MCTP1: variants seen among roughly 807,000 people sequenced by gnomAD.
The protein encoded by MCTP1 is multiple C2 and transmembrane domain-containing protein 1.
A neutral mutation model predicts 120.6 loss-of-function variants in MCTP1; 69 were observed. The ratio of observed to expected loss-of-function variants is 0.57; its 90% confidence interval spans 0.47 to 0.70. The LOEUF (loss-of-function observed/expected upper bound fraction) is 0.70, where lower values mean the gene tolerates loss of function less well. Ranked by LOEUF, MCTP1 falls within the 30% of genes least tolerant of loss-of-function variation. MCTP1 has a pLI of 0.00. For synonymous variants in MCTP1, 529 were observed against 493.1 expected, an observed-to-expected ratio of 1.07 and a Z score of -0.96; for missense variants, 1,203 against 1,248.8, an observed-to-expected ratio of 0.96 and a Z score of 0.55.
At chr5:95,125,185 C>T (rs1427619759) in intron 1 of MCTP1, among the ~76,000 whole-genome samples, 2 of 152,228 alleles carry the variant, frequency 1.3e-5, no homozygotes, top group Non-Finnish European at 2.9e-5. Flanking sequence ...CAACTCTTGA[C>T]TGCTGTATCT....
intron 1 of MCTP1, among the ~76,000 whole-genome samples, chr5:95,262,892 G>T (rs1420790259): frequency 6.6e-6 from 1 of 152,048 alleles, no homozygotes; most frequent in African/African-American, 2.4e-5. Flanking sequence ...TCAATCAGTA[G>T]ACAAATCATA....
intron 17 of MCTP1, among the ~76,000 whole-genome samples, chr5:94,849,517 C>T (rs951548847): frequency 1.1e-4 from 17 of 152,132 alleles, no homozygotes; most frequent in African/African-American, 4.1e-4. Context: ...CCTCTGTAGC[C>T]TGCCTCCATC....
intron 1 of MCTP1, among the ~76,000 whole-genome samples, chr5:95,227,849 A>ATAAAT: frequency 1.3e-5 from 2 of 152,336 alleles, no homozygotes; most frequent in South Asian, 4.1e-4. Flanking sequence ...ACAAAGAAAT[A>ATAAAT]TAAAGTATGT....
At chr5:95,056,628 T>C (rs1325294174) in intron 1 of MCTP1, among the ~76,000 whole-genome samples, 1 of 152,222 alleles carries the variant, frequency 6.6e-6, no homozygotes, top group East Asian at 1.9e-4. Context: ...GAAACTGATC[T>C]TTTGCTCTCT....
intron 19 of MCTP1, among the ~76,000 whole-genome samples, chr5:94,776,517 G>A (rs183910181): frequency 2.6e-5 from 4 of 152,208 alleles, no homozygotes; most frequent in East Asian, 3.9e-4. Flanking sequence ...CACTGGCCCC[G>A]GTGAAACATC....
intron 1 of MCTP1, among the ~76,000 whole-genome samples, chr5:95,233,974 A>G (rs1755250585): frequency 6.6e-6 from 1 of 152,094 alleles, no homozygotes; most frequent in Admixed American, 6.5e-5. Flanking sequence ...GAGACTATCA[A>G]TAAAACTGAT....
At chr5:95,170,018 G>C (rs983097861) in intron 1 of MCTP1, among the ~76,000 whole-genome samples, 12 of 152,276 alleles carry the variant, frequency 7.9e-5, no homozygotes, top group African/African-American at 2.9e-4. Context: ...GTCTATTTTA[G>C]ATCTTTGCTG....
At chr5:94,782,718 T>C (rs1475129468) in intron 18 of MCTP1, among the ~76,000 whole-genome samples, 1 of 151,576 alleles carries the variant, frequency 6.6e-6, no homozygotes, top group African/African-American at 2.4e-5. Context: ...TAAAACCAAA[T>C]AAGCACTACA....
chr5:95,071,144 T>C (rs796847758), intron 1 of MCTP1, among the ~76,000 whole-genome samples: 5 of 152,258 alleles, frequency 3.3e-5, no homozygotes, highest in African/African-American at 1.2e-4. Context: ...TTGTGAAGGC[T>C]AACTGTGAAG....
Position 94,888,927 on chromosome 5 carries a change from G to A in MCTP1, c.1885C>T (p.Gln629Ter). ...CCTTCCGCTCTGATGACTTTCACCT[G>A]GAGAAATCCCACATCTTTCAGGTTG... Reference protein sequence around the residue: ...FHNLKDVGFLQVKVIRAEGLM... With the variant: ...FHNLKDVGFL The change falls in exon 12 of 23, where the codon CAG (glutamine) becomes TAG (stop). Residue 629 changes from glutamine (Q) to a stop codon, truncating the protein, a stop_gained. Transcript: ENST00000515393. LOFTEE classifies it high-confidence loss of function. 6.2e-7 allele frequency: 1 copy of A among 1,613,848 alleles called. No homozygotes were observed. Among genetic ancestry groups the A allele is most frequent in the Non-Finnish European group, 8.5e-7 (1 of 1,179,810 alleles).
At chr5:94,747,846 C>T (rs1201424220) in intron 19 of MCTP1, among the ~76,000 whole-genome samples, 1 of 151,994 alleles carries the variant, frequency 6.6e-6, no homozygotes, top group Non-Finnish European at 1.5e-5. Context: ...AACCCAGCAC[C>T]TTGGGAGGCC....
intron 1 of MCTP1, among the ~76,000 whole-genome samples, chr5:95,087,980 T>A (rs1230121261): frequency 6.6e-6 from 1 of 152,222 alleles, no homozygotes; most frequent in Non-Finnish European, 1.5e-5. Context: ...GCTCCCCATG[T>A]AGTCTGCCTA....
In MCTP1 at chr5:95,179,703, A is replaced by C. The variant is rs77769135; in HGVS notation, c.720+104153T>G. 3.8e-3 allele frequency among the ~76,000 whole-genome samples: 583 copies of C among 152,318 alleles called. 3 individuals carry two copies. Among genetic ancestry groups the C allele is most frequent in the African/African-American group, 0.013 (545 of 41,576 alleles). On this transcript the variant is annotated intron_variant, in intron 1 of 22. Coordinates refer to ENST00000515393, the MANE Select transcript of MCTP1 (RefSeq NM_024717.7). ...GCTCTAAATCTTGAAACAAATCCTC[A>C]AAACACACCAAAATAGAACCTCCTT...
At chr5:95,086,224 A>G (rs766439388) in intron 1 of MCTP1, among the ~76,000 whole-genome samples, 5 of 152,206 alleles carry the variant, frequency 3.3e-5, no homozygotes, top group Middle Eastern at 3.2e-3. Context: ...GAGTAGTTCA[A>G]TTAATCCTTA....
rs144294232 is a variant in MCTP1 at position 94,753,412 on chromosome 5, G to A, written c.2610+25698C>T. Among the ~76,000 whole-genome samples, 348 of 152,300 alleles carry A rather than the reference G, an allele frequency of 2.3e-3. 2 individuals carry two copies. Among genetic ancestry groups the A allele is most frequent in the Admixed American group, 3.7e-3 (57 of 15,298 alleles). ...GGGAATACTGCAGTATTCTTATAGG[G>A]AAAAGGAAGAATGGGTTGCGCATTT... On this transcript the variant is annotated intron_variant, in intron 19 of 22. Transcript: ENST00000515393.
At chr5:95,033,367 G>A (rs1185511440) in intron 1 of MCTP1, among the ~76,000 whole-genome samples, 1 of 151,840 alleles carries the variant, frequency 6.6e-6, no homozygotes, top group Non-Finnish European at 1.5e-5. Context: ...CACCACAAAA[G>A]GTAATTCATC....
rs148501516 is a variant in MCTP1 at position 94,928,902 on chromosome 5, G to A, written c.1212+3051C>T. On this transcript the variant is annotated intron_variant, in intron 6 of 22. Coordinates refer to ENST00000515393, the MANE Select transcript of MCTP1 (RefSeq NM_024717.7). ...AGGATCTCCCTGTCCTCAAGCTGGC[G>A]ATTCTTCTTTTGATTTCAATAGTTA... Among the ~76,000 whole-genome samples the A allele has an allele frequency of 3.0e-3, 459 of 152,186 alleles. 2 individuals are homozygous for A. The highest frequency in any genetic ancestry group is 0.01 in the African/African-American group (425 of 41,524).
chr5:94,826,854 CTGTG>C (rs1424682476), intron 17 of MCTP1, among the ~76,000 whole-genome samples: 1 of 121,004 alleles, frequency 8.3e-6, no homozygotes, highest in African/African-American at 3.1e-5. Flanking sequence ...TATTTTGAGC[CTGTG>C]TGTGTCTTTG....
rs1417462612 is a variant in MCTP1 at position 94,705,498 on chromosome 5, C to T, written c.*1998G>A. 1 of 127,522 alleles carries T rather than the reference C, an allele frequency of 7.8e-6. No individual in the cohort carries two copies. The highest frequency in any genetic ancestry group is 2.5e-4 in the East Asian group (1 of 4,078). 7.9% of individuals were successfully genotyped at this position (127,522 alleles called of 1,614,324 possible). A position where few individuals can be genotyped will look rare whatever the true frequency, so the allele number is the denominator to read the frequency against. On this transcript the variant is annotated 3_prime_UTR_variant, in exon 23 of 23. Coordinates refer to ENST00000515393, the MANE Select transcript of MCTP1 (RefSeq NM_024717.7). ...TATGCACACAATCCCTCATCAATCT[C>T]TGAACCACCAAAAAAAAAAAAAAAA...
Sources: allele counts gnomAD v4.1 joint callset (sites outside exome capture counted in the v4.1 genomes callset), GRCh38; gene constraint gnomAD v4.1.1; transcripts MANE v1.5; gene names NCBI Gene and HGNC (gene_info 2026-07-23, HGNC 2026-07-21).